CADPS: variants seen among roughly 807,000 people sequenced by gnomAD.
The protein encoded by CADPS is calcium dependent secretion activator.
A neutral mutation model predicts 167.3 loss-of-function variants in CADPS; 57 were observed. The observed-to-expected ratio is 0.34, with a 90% CI of 0.28 to 0.42. CADPS has a LOEUF of 0.42. CADPS is among the 20% of genes least tolerant of loss of function. CADPS has a pLI of 1.00. For missense variants in CADPS, 1,414 were observed against 1,738.1 expected (o/e 0.81, Z 3.32); for synonymous variants, 676 against 635.3 (o/e 1.06, Z -0.96).
chr3:62,582,849 C>T (rs1314615902), intron 8 of CADPS, among the ~76,000 whole-genome samples: 1 of 152,200 alleles, frequency 6.6e-6, no homozygotes, highest in Admixed American at 6.5e-5. Context: ...AATAATTTTA[C>T]AAACAAGTCA....
In CADPS at chr3:62,455,760, C is replaced by G. The variant is rs1308173881; in HGVS notation, c.3636+9607G>C. Among the ~76,000 whole-genome samples, 2 of 152,144 alleles carry G rather than the reference C, an allele frequency of 1.3e-5. No homozygotes were observed. The highest frequency in any genetic ancestry group is 2.9e-5 in the Non-Finnish European group (2 of 68,030). On this transcript the variant is annotated intron_variant, in intron 26 of 29. Coordinates refer to ENST00000383710, the MANE Select transcript of CADPS (RefSeq NM_003716.4). The surrounding 1 kb of genome is among the most constrained non-coding windows in gnomAD (Gnocchi z 4.4). ...AATGCAAGCTTGAAGAGGACAAGGG[C>G]CATGTCTTACTTGTGTCCCTGGCTT...
At chr3:62,454,890 C>A (rs895926127) in intron 26 of CADPS, among the ~76,000 whole-genome samples, 4 of 152,174 alleles carry the variant, frequency 2.6e-5, no homozygotes, top group African/African-American at 9.7e-5. Context: ...ATGCCTCCTA[C>A]AGCCCATCCC....
At chr3:62,494,786 C>T (rs1354575721) in intron 18 of CADPS, among the ~76,000 whole-genome samples, 4 of 148,874 alleles carry the variant, frequency 2.7e-5, no homozygotes, top group Admixed American at 6.9e-5. Context: ...GAATTACAGG[C>T]GCCTGCCACC....
intron 8 of CADPS, among the ~76,000 whole-genome samples, chr3:62,579,989 G>T (rs1340137369): frequency 1.3e-5 from 2 of 152,084 alleles, no homozygotes; most frequent in Non-Finnish European, 2.9e-5. Context: ...CTTGAAGATG[G>T]AGTGAAAAGA....
chr3:62,853,862 G>A (rs533780752), intron 1 of CADPS, among the ~76,000 whole-genome samples: 16 of 152,084 alleles, frequency 1.1e-4, no homozygotes, highest in African/African-American at 3.6e-4. Flanking sequence ...GGGCTGAGGT[G>A]GGAGGATCGC....
chr3:62,532,033 C>G (rs775458365), intron 13 of CADPS, among the ~76,000 whole-genome samples: 3 of 152,146 alleles, frequency 2.0e-5, no homozygotes, highest in Non-Finnish European at 4.4e-5. Context: ...CTTCCAGGCT[C>G]TATGGTTAAA....
intron 12 of CADPS, among the ~76,000 whole-genome samples, chr3:62,533,850 G>A (rs1328549360): frequency 6.6e-6 from 1 of 152,194 alleles, no homozygotes; most frequent in African/African-American, 2.4e-5. Flanking sequence ...AAACTGAGAG[G>A]AACTTCTTGT....
At chr3:62,659,424 C>A (rs1351456943) in intron 4 of CADPS, among the ~76,000 whole-genome samples, 7 of 152,062 alleles carry the variant, frequency 4.6e-5, no homozygotes, top group Non-Finnish European at 2.9e-5. Context: ...TTCTTGGGAT[C>A]CAACTAAGCT....
intron 5 of CADPS, among the ~76,000 whole-genome samples, chr3:62,648,787 C>CAGTAGGGA (rs1563320808): frequency 2.6e-5 from 4 of 151,340 alleles, no homozygotes. Flanking sequence ...AGACAAGAGG[C>CAGTAGGGA]AGTAGGGAAT....
intron 9 of CADPS, among the ~76,000 whole-genome samples, chr3:62,560,100 C>T (rs574760443): frequency 6.6e-5 from 10 of 151,564 alleles, no homozygotes; most frequent in Non-Finnish European, 1.3e-4. Context: ...AGTTGGTAAA[C>T]CAAATTGAGT....
At chr3:62,493,820 A>G (rs2064158347) in intron 18 of CADPS, among the ~76,000 whole-genome samples, 155 bp from the exon 19 acceptor site, 1 of 152,232 alleles carries the variant, frequency 6.6e-6, no homozygotes, top group South Asian at 2.1e-4. Context: ...CTGTCAGCAA[A>G]AAAAAGCCTA....
chr3:62,402,986 C>G, intron 29 of CADPS, 95 bp downstream of exon 29: 1 of 717,678 alleles, frequency 1.4e-6, no homozygotes, highest in Non-Finnish European at 2.3e-6. Context: ...TATATGTAAA[C>G]TAATATTCTT....
At chr3:62,413,493 G>A (rs1265786404) in intron 28 of CADPS, among the ~76,000 whole-genome samples, 1 of 152,168 alleles carries the variant, frequency 6.6e-6, no homozygotes, top group Non-Finnish European at 1.5e-5. Context: ...AACCCTTGAA[G>A]ATATTATGCT....
chr3:62,438,073 G>A lies in CADPS; in HGVS notation c.3777+31C>T. On this transcript the variant is annotated intron_variant, in intron 28 of 29. Coordinates refer to ENST00000383710, the MANE Select transcript of CADPS (RefSeq NM_003716.4). This position sits in a 1 kb window ranked among gnomAD's most constrained non-coding sequence, Gnocchi z 4.7. The stretch of plus-strand genomic sequence containing the variant: ...TCACATTTTGGAGGGTCTCCTCCTT[G>A]GTTTTCAAGGAGGAGAAGGCATTTA... 6.9e-7 allele frequency: 1 copy of A among 1,453,832 alleles called. No individual in the cohort carries two copies. The highest frequency in any genetic ancestry group is 1.2e-5 in the South Asian group (1 of 86,954). The allele number at this position is 1,453,832 out of a possible 1,614,324, so 90.1% of individuals were successfully genotyped here.
Position 62,491,808 on chromosome 3 carries a change from TTCCC to T in CADPS, c.2885-332_2885-329del, listed in dbSNP as rs546464038. Among the ~76,000 whole-genome samples, 422 of 151,986 alleles carry T rather than the reference TTCCC, an allele frequency of 2.8e-3. 2 individuals carry two copies. The highest frequency in any genetic ancestry group is 6.9e-3 in the Middle Eastern group (2 of 290). On this transcript the variant is annotated intron_variant, in intron 20 of 29. Coordinates refer to ENST00000383710, the MANE Select transcript of CADPS (RefSeq NM_003716.4). Reference sequence around the variant, plus strand: ...GTTTTTCTTGCACCCACTTCCCTTCTTCCCATTAAGTTCCTAGGAAGAAAGAACA... The same window carrying T: ...GTTTTTCTTGCACCCACTTCCCTTCTATTAAGTTCCTAGGAAGAAAGAACA...
intron 6 of CADPS, among the ~76,000 whole-genome samples, chr3:62,606,901 C>G (rs973047734): frequency 1.4e-4 from 21 of 152,326 alleles, no homozygotes; most frequent in African/African-American, 4.6e-4. Flanking sequence ...CCAGCCAGAT[C>G]CAGAACTGAA....
At chr3:62,529,296 G>A (rs1322905706) in intron 13 of CADPS, among the ~76,000 whole-genome samples, 2 of 152,128 alleles carry the variant, frequency 1.3e-5, no homozygotes, top group Non-Finnish European at 2.9e-5. Context: ...AGCCTCAATA[G>A]GACCAGTCAA....
chr3:62,805,861 A>T (rs568120205), intron 1 of CADPS, among the ~76,000 whole-genome samples: 1 of 152,110 alleles, frequency 6.6e-6, no homozygotes, highest in Non-Finnish European at 1.5e-5. Context: ...CCTCCCAGAG[A>T]GCATTTTGGC....
At chr3:62,599,850 ATAAT>A (rs1276301332) in intron 6 of CADPS, among the ~76,000 whole-genome samples, 247 of 10,228 alleles carry the variant, frequency 0.024, 5 homozygotes, top group African/African-American at 0.05. Flanking sequence ...TTATATATAT[ATAAT>A]ATATATAATA....
Sources: allele counts gnomAD v4.1 joint callset (sites outside exome capture counted in the v4.1 genomes callset), GRCh38; gene constraint gnomAD v4.1.1; non-coding constraint Gnocchi (gnomAD v3.1); transcripts MANE v1.5; gene names NCBI Gene and HGNC (gene_info 2026-07-23, HGNC 2026-07-21).